Variants in KLRK1 observed in about 807,000 individuals in gnomAD.
KLRK1 encodes killer cell lectin like receptor K1, also known as NKG2-D type II integral membrane protein.
In KLRK1, 40 loss-of-function variants were observed where a neutral mutation model predicts 31.3. The observed-to-expected ratio is 1.28, with a 90% CI of 0.99 to 1.67. The LOEUF is 1.67. Among genes scored for constraint, KLRK1 ranks in the 40% most tolerant of loss-of-function variants. The pLI is 0.00. For missense variants in KLRK1, 251 were observed against 260.0 expected (o/e 0.97, Z 0.24); for synonymous variants, 77 against 77.3 (o/e 1.00, Z 0.02).
At chr12:10,378,288 T>G in intron 6 of KLRK1, 53 bp from the exon 7 acceptor site, 2 of 1,563,900 alleles carry the variant, frequency 1.3e-6, no homozygotes, top group South Asian at 1.1e-5. Flanking sequence ...ATAATTTTAG[T>G]AAACGCAAGA....
At chr12:10,379,390 A>T in intron 5 of KLRK1, 57 bp downstream of exon 5, 1 of 1,094,624 alleles carries the variant, frequency 9.1e-7, no homozygotes, top group Non-Finnish European at 1.3e-6. Flanking sequence ...TGTCTACACA[A>T]TAATGTAGGT....
chr12:10,386,574 A>G (rs1019025511), intron 3 of KLRK1, among the ~76,000 whole-genome samples: 3 of 151,982 alleles, frequency 2.0e-5, no homozygotes, highest in Admixed American at 6.6e-5. Flanking sequence ...GTTTAGGAAC[A>G]TATCTCTGGA....
At chr12:10,378,357 G>T in intron 6 of KLRK1, 122 bp from the exon 7 acceptor site, 1 of 1,295,816 alleles carries the variant, frequency 7.7e-7, no homozygotes, top group Non-Finnish European at 1.1e-6. Context: ...CCACTAACTG[G>T]CATAATTCTC....
At chr12:10,382,044 C>T (rs527406293) in intron 3 of KLRK1, 5 of 152,202 alleles carry the variant, frequency 3.3e-5, no homozygotes, top group Non-Finnish European at 7.3e-5. Flanking sequence ...ACTGCTTAGG[C>T]AGGAAGAACC....
intron 7 of KLRK1, 67 bp downstream of exon 7, chr12:10,378,065 A>G: frequency 1.4e-6 from 2 of 1,458,250 alleles, no homozygotes; most frequent in Non-Finnish European, 9.4e-7. Flanking sequence ...ATGAGTGATT[A>G]GAATTATTAC....
chr12:10,379,789 G>C lies in KLRK1; in HGVS notation c.152C>G (p.Ser51Cys). 1.2e-6 allele frequency: 2 copies of C among 1,610,410 alleles called. No individual in the cohort carries two copies. Among genetic ancestry groups the C allele is most frequent in the Non-Finnish European group, 1.7e-6 (2 of 1,178,430 alleles). The change falls in exon 4 of 8, where the codon TCT becomes TGT. Residue 51 changes from serine (S) to cysteine (C), a missense_variant. Transcript: ENST00000240618. Reference sequence around the variant, plus strand: ...GATGAAGCAGCAGAAAAAAAATGGAGATGCTGTCAAAGAAAAAAGACACAG... The same window carrying C: ...GATGAAGCAGCAGAAAAAAAATGGACATGCTGTCAAAGAAAAAAGACACAG... ...VVKSKCRENA[S>C]PFFFCCFIAV...
intron 3 of KLRK1, among the ~76,000 whole-genome samples, chr12:10,380,611 A>G (rs370048268): frequency 6.6e-6 from 1 of 152,284 alleles, no homozygotes; most frequent in East Asian, 1.9e-4. Flanking sequence ...GGTGACATGG[A>G]TCAGCTTGGA....
intron 2 of KLRK1, among the ~76,000 whole-genome samples, chr12:10,387,357 C>T (rs1056788798): frequency 3.9e-5 from 6 of 152,002 alleles, no homozygotes; most frequent in African/African-American, 1.4e-4. Context: ...ATCACAGATC[C>T]ACATATACAA....
At chr12:10,383,550 G>A (rs1325944238) in intron 3 of KLRK1, among the ~76,000 whole-genome samples, 1 of 152,068 alleles carries the variant, frequency 6.6e-6, no homozygotes, top group African/African-American at 2.4e-5. Context: ...ATACAATAAG[G>A]GCAGGGGAGT....
At chr12:10,378,420 T>C in intron 6 of KLRK1, 134 bp downstream of exon 6, 1 of 1,442,996 alleles carries the variant, frequency 6.9e-7, no homozygotes, top group Admixed American at 2.4e-5. Flanking sequence ...TTATTTTCAA[T>C]GAAGAAAGAT....
Position 10,379,443 on chromosome 12 carries a change from T to C in KLRK1, c.277+4A>G. The C allele has an allele frequency of 6.9e-7, 1 of 1,448,958 alleles. No homozygotes were observed. The highest frequency in any genetic ancestry group is 9.5e-7 in the Non-Finnish European group (1 of 1,054,160). The allele number at this position is 1,448,958 out of a possible 1,614,324, so 89.8% of individuals were successfully genotyped here. A position where few individuals can be genotyped will look rare whatever the true frequency, so the allele number is the denominator to read the frequency against. ...GATCTAAAATATTTTAAAAATTCAC[T>C]TACCGGTCAAGGGAATTTGAACTTC... On this transcript the variant is annotated splice_donor_region_variant and intron_variant, in intron 5 of 7. Coordinates refer to ENST00000240618, the MANE Select transcript of KLRK1 (RefSeq NM_007360.4).
Position 10,373,022 on chromosome 12 carries a change from T to TTTTG in KLRK1, c.*88_*91dup. On this transcript the variant is annotated 3_prime_UTR_variant, in exon 8 of 8. Coordinates refer to ENST00000240618, the MANE Select transcript of KLRK1 (RefSeq NM_007360.4). The stretch of plus-strand genomic sequence containing the variant: ...ACAGTCTTTGGTCATTTTGTCCTGT[T>TTTTG]TTTGTTTGTTTCCTTTAGTCTCAGT... The TTTTG allele has an allele frequency of 8.7e-7, 1 of 1,144,068 alleles. No homozygotes were observed. The highest frequency in any genetic ancestry group is 1.3e-6 in the Non-Finnish European group (1 of 781,174). 70.9% of individuals were successfully genotyped at this position (1,144,068 alleles called of 1,614,324 possible). A position where few individuals can be genotyped will look rare whatever the true frequency, so the allele number is the denominator to read the frequency against.
chr12:10,386,361 T>C (rs1351437511), intron 3 of KLRK1, among the ~76,000 whole-genome samples: 1 of 152,114 alleles, frequency 6.6e-6, no homozygotes, highest in Admixed American at 6.5e-5. Flanking sequence ...TGTAAAGAGA[T>C]GCTATTTGTT....
intron 4 of KLRK1, 32 bp downstream of exon 4, chr12:10,379,668 A>G (rs368970673): frequency 9.6e-5 from 149 of 1,559,198 alleles, no homozygotes; most frequent in African/African-American, 1.4e-5. Context: ...TAAATTGACA[A>G]TGTTGCAATC....
chr12:10,388,785 G>C lies in KLRK1; in HGVS notation c.26C>G (p.Ser9Cys), dbSNP rs1175194230. The change falls in exon 2 of 8, where the codon TCT (serine) becomes TGT (cysteine). Residue 9 changes from serine to cysteine, a missense_variant. Coordinates refer to ENST00000240618, the MANE Select transcript of KLRK1 (RefSeq NM_007360.4). ...TAAAAACATACCCCAGCTGTGTCGA[G>C]ACCTCCGACCACGAATCCACCCCAT... MGWIRGRRSRHSWEMSEFH... is the reference protein window; with the variant it reads MGWIRGRRCRHSWEMSEFH... 1.2e-6 allele frequency: 2 copies of C among 1,613,894 alleles called. No homozygotes were observed. The highest frequency in any genetic ancestry group is 2.7e-5 in the African/African-American group (2 of 75,006).
At chr12:10,379,957 C>A in intron 3 of KLRK1, 165 bp from the exon 4 acceptor site, 2 of 433,656 alleles carry the variant, frequency 4.6e-6, no homozygotes, top group Non-Finnish European at 7.9e-6. Flanking sequence ...CGCAAATGAT[C>A]AAAAACTAGA....
At chr12:10,376,262 A>AAAAC (rs1862963231) in intron 7 of KLRK1, among the ~76,000 whole-genome samples, 1 of 151,530 alleles carries the variant, frequency 6.6e-6, no homozygotes, top group African/African-American at 2.4e-5. Flanking sequence ...AAATACACCT[A>AAAAC]AAACATTTTT....
At chr12:10,376,218 T>G (rs1183343457) in intron 7 of KLRK1, among the ~76,000 whole-genome samples, 1 of 152,166 alleles carries the variant, frequency 6.6e-6, no homozygotes, top group Non-Finnish European at 1.5e-5. Flanking sequence ...TCACATAGAA[T>G]ACATAGAAAA....
At position 10,373,047 on chromosome 12, in the gene KLRK1, T is replaced by A; in HGVS notation, c.*67A>T. On this transcript the variant is annotated 3_prime_UTR_variant, in exon 8 of 8. Coordinates refer to ENST00000240618, the MANE Select transcript of KLRK1 (RefSeq NM_007360.4). ...TTTTGTTTGTTTCCTTTAGTCTCAGTTGGCAGTGTTACCGCTGGTGTAATC... is the reference window on the plus strand; with the variant it reads ...TTTTGTTTGTTTCCTTTAGTCTCAGATGGCAGTGTTACCGCTGGTGTAATC... The A allele has an allele frequency of 7.2e-7, 1 of 1,398,282 alleles. No individual in the cohort carries two copies. Among genetic ancestry groups the A allele is most frequent in the Non-Finnish European group, 1.0e-6 (1 of 1,000,710 alleles). The allele number at this position is 1,398,282 out of a possible 1,614,324, so 86.6% of individuals were successfully genotyped here.
Sources: gnomAD v4.1 joint callset for allele counts (sites outside exome capture counted in the v4.1 genomes callset) on GRCh38, gnomAD v4.1.1 for gene constraint, MANE v1.5 for transcripts, NCBI Gene and HGNC (gene_info 2026-07-23, HGNC 2026-07-21) for gene names.